Variants in PNPLA8 observed in about 807,000 individuals in gnomAD.
PNPLA8 encodes calcium-independent phospholipase A2-gamma.
Under a neutral mutation model 76.9 loss-of-function variants are expected in PNPLA8, and 39 were observed. The observed-to-expected ratio is 0.51, with a 90% confidence interval of 0.39 to 0.66. PNPLA8 has a LOEUF of 0.66. Ranked by LOEUF, PNPLA8 falls within the 30% of genes least tolerant of loss-of-function variation. The probability of loss-of-function intolerance (pLI) is 0.00; values close to 1 mark genes in which losing one functional copy is unlikely to be tolerated. For synonymous variants in PNPLA8, 301 were observed against 307.9 expected, an observed-to-expected ratio of 0.98 and a Z score of 0.24; for missense variants, 887 against 918.0, an observed-to-expected ratio of 0.97 and a Z score of 0.44.
chr7:108,510,573 G>A (rs40872), intron 4 of PNPLA8: 428,515 of 1,487,034 alleles, frequency 0.29, 65,944 homozygotes, highest in African/African-American at 0.38. Flanking sequence ...CTTCGCCTTC[G>A]TCAAATCTAC....
At chr7:108,524,793 A>G (rs1159574287) in intron 1 of PNPLA8, among the ~76,000 whole-genome samples, 2 of 152,176 alleles carry the variant, frequency 1.3e-5, no homozygotes, top group Admixed American at 1.3e-4. Flanking sequence ...GGCGACAGAG[A>G]GAGACTCCCA....
chr7:108,515,259 C>T lies in PNPLA8; in HGVS notation c.233G>A (p.Gly78Asp). ...AAGTTTCAAAATCCCAATATGTAAA[C>T]CATGGTTGCTTGGAGAGTAACAGTG... ...SKHCYSPSNH[G>D]LHIGILKLST... is the part of the protein sequence containing the mutation. Residue 78 changes from glycine (G) to aspartate (D), a missense_variant, in exon 3 of 11, where the codon GGT becomes GAT. Coordinates refer to ENST00000257694, the MANE Select transcript of PNPLA8 (RefSeq NM_001256007.3). 6.2e-7 allele frequency: 1 copy of T among 1,604,134 alleles called. No homozygotes were observed. The highest frequency in any genetic ancestry group is 8.5e-7 in the Non-Finnish European group (1 of 1,174,722).
chr7:108,515,274 G>C lies in PNPLA8; in HGVS notation c.218C>G (p.Ser73Cys), dbSNP rs770894436. The C allele has an allele frequency of 4.4e-6, 7 of 1,607,340 alleles. No homozygotes were observed. The highest frequency in any genetic ancestry group is 5.9e-6 in the Non-Finnish European group (7 of 1,176,650). The change falls in exon 3 of 11, where the codon TCT (serine) becomes TGT (cysteine). Residue 73 changes from serine (S) to cysteine (C), a missense_variant. Coordinates refer to ENST00000257694, the MANE Select transcript of PNPLA8 (RefSeq NM_001256007.3). ...EAHSCSKHCYSPSNHGLHIGI... is the reference protein window; with the variant it reads ...EAHSCSKHCYCPSNHGLHIGI... Reference sequence around the variant, plus strand: ...AATATGTAAACCATGGTTGCTTGGAGAGTAACAGTGCTTACTGCAAGAATG... The same window carrying C: ...AATATGTAAACCATGGTTGCTTGGACAGTAACAGTGCTTACTGCAAGAATG...
intron 2 of PNPLA8, among the ~76,000 whole-genome samples, chr7:108,520,042 C>T (rs1863629270): frequency 6.6e-6 from 1 of 152,196 alleles, no homozygotes; most frequent in African/African-American, 2.4e-5. Context: ...ATCTTTCCTT[C>T]CCCTCTGAAA....
chr7:108,522,031 C>T (rs1863773111), intron 1 of PNPLA8, among the ~76,000 whole-genome samples: 1 of 152,154 alleles, frequency 6.6e-6, no homozygotes, highest in Non-Finnish European at 1.5e-5. Context: ...CGTGGTGGCT[C>T]ACGCCTGTAC....
chr7:108,495,147 AGCCATGTATGTATCAAGAT>A (rs999544707), intron 7 of PNPLA8, among the ~76,000 whole-genome samples: 1 of 152,214 alleles, frequency 6.6e-6, no homozygotes, highest in Non-Finnish European at 1.5e-5. Flanking sequence ...GAACAAATTC[AGCCATGTATGTATCAAGAT>A]TCTTAAAACA....
Position 108,514,333 on chromosome 7 carries a change from A to C in PNPLA8, c.1057-40T>G, listed in dbSNP as rs926813779. 6 of 1,562,262 alleles carry C rather than the reference A, an allele frequency of 3.8e-6. No individual in the cohort carries two copies. In the African/African-American group the frequency reaches 8.2e-5, roughly 21 times the overall value. ...TAAATAGATATGATTAGAATACAAA[A>C]CTGCTCTAAAGAACAATGAAAGTTT... On this transcript the variant is annotated intron_variant, in intron 3 of 10. Coordinates refer to ENST00000257694, the MANE Select transcript of PNPLA8 (RefSeq NM_001256007.3).
At chr7:108,473,551 C>CAAA (rs940991325) in intron 10 of PNPLA8, among the ~76,000 whole-genome samples, 1 of 152,180 alleles carries the variant, frequency 6.6e-6, no homozygotes, top group Non-Finnish European at 1.5e-5. Context: ...TGCTCTACAT[C>CAAA]TTTGCCCAAA....
intron 10 of PNPLA8, among the ~76,000 whole-genome samples, chr7:108,476,526 A>G (rs1001039221): frequency 6.6e-6 from 1 of 152,230 alleles, no homozygotes; most frequent in Admixed American, 6.5e-5. Context: ...GAACCCTTGT[A>G]AACTGTTTAT....
intron 2 of PNPLA8, among the ~76,000 whole-genome samples, chr7:108,520,404 G>A (rs979993024): frequency 6.6e-6 from 1 of 152,184 alleles, no homozygotes; most frequent in Non-Finnish European, 1.5e-5. Context: ...ATAGAGAGTA[G>A]AACGATAGAT....
intron 9 of PNPLA8, among the ~76,000 whole-genome samples, chr7:108,487,377 C>G (rs1860810067): frequency 6.6e-6 from 1 of 152,176 alleles, no homozygotes; most frequent in Admixed American, 6.5e-5. Flanking sequence ...TTTACTGTAT[C>G]CCTTTCTTCA....
At chr7:108,474,218 C>T (rs988215212) in intron 10 of PNPLA8, among the ~76,000 whole-genome samples, 11 of 151,938 alleles carry the variant, frequency 7.2e-5, no homozygotes, top group Non-Finnish European at 1.0e-4. Context: ...TTTCTATGTC[C>T]TATCTAAAAA....
intron 2 of PNPLA8, among the ~76,000 whole-genome samples, chr7:108,516,681 T>C (rs998698539): frequency 1.3e-5 from 2 of 152,140 alleles, no homozygotes; most frequent in African/African-American, 4.8e-5. Flanking sequence ...GGCAGGCAGA[T>C]CACGAGGTCA....
chr7:108,504,819 G>A (rs566746980), intron 4 of PNPLA8, among the ~76,000 whole-genome samples: 49 of 152,262 alleles, frequency 3.2e-4, no homozygotes, highest in Non-Finnish European at 6.6e-4. Flanking sequence ...ACTCACGCCT[G>A]TAATCCCAGC....
At chr7:108,508,682 G>C (rs1180411081) in intron 4 of PNPLA8, among the ~76,000 whole-genome samples, 8 of 148,652 alleles carry the variant, frequency 5.4e-5, no homozygotes, top group East Asian at 2.0e-4. Context: ...CTACTTTAAA[G>C]TTCATATGGA....
intron 4 of PNPLA8, chr7:108,511,040 G>GAAAAAA (rs60102827): frequency 2.2e-5 from 8 of 366,956 alleles, no homozygotes; most frequent in South Asian, 1.1e-4. Context: ...TCTCAAATTG[G>GAAAAAA]AAAAAAAAAA....
intron 7 of PNPLA8, among the ~76,000 whole-genome samples, chr7:108,493,567 G>GATTTTTTTTTT (rs1563951361): frequency 9.5e-6 from 1 of 105,656 alleles, no homozygotes; most frequent in African/African-American, 3.6e-5. Flanking sequence ...CCCATGCCTG[G>GATTTTTTTTTT]CTTTTTTTTT....
intron 7 of PNPLA8, chr7:108,496,337 TA>T: frequency 3.1e-6 from 1 of 320,314 alleles, no homozygotes; most frequent in Non-Finnish European, 5.6e-6. Context: ...CTCATATTTT[TA>T]AAAAAGGCAA....
chr7:108,526,830 C>T (rs1259437716), upstream of PNPLA8, among the ~76,000 whole-genome samples: 1 of 152,194 alleles, frequency 6.6e-6, no homozygotes, highest in Admixed American at 6.5e-5. Context: ...CAAATCCAGC[C>T]CACCGCAGGT....
Sources: gnomAD v4.1 joint callset for allele counts (sites outside exome capture counted in the v4.1 genomes callset) on GRCh38, gnomAD v4.1.1 for gene constraint, MANE v1.5 for transcripts, NCBI Gene and HGNC (gene_info 2026-07-23, HGNC 2026-07-21) for gene names.